Variants in RGS3 observed in about 807,000 individuals in gnomAD.
RGS3 encodes the protein regulator of G-protein signalling 3.
A neutral mutation model predicts 132.6 loss-of-function variants in RGS3; 80 were observed. The ratio of observed to expected loss-of-function variants is 0.60; its 90% confidence interval spans 0.50 to 0.73. The LOEUF (loss-of-function observed/expected upper bound fraction) is 0.73, where lower values mean the gene tolerates loss of function less well. Among genes scored for constraint, RGS3 ranks in the 30% least tolerant of loss-of-function variants. The pLI is 0.00. For synonymous variants in RGS3, 598 were observed against 620.6 expected (o/e 0.96, Z 0.54); for missense variants, 1,382 against 1,530.8 (o/e 0.90, Z 1.62).
In RGS3 at chr9:113,517,515, G is replaced by T. The variant is rs200764534; in HGVS notation, c.1675-26G>T. The T allele has an allele frequency of 2.1e-4, 339 of 1,601,950 alleles. No homozygotes were observed. The East Asian group carries it at 6.1e-3, about 29-fold the overall frequency. Reference sequence around the variant, plus strand: ...TCCTCACCCAGCCTCTTTTTGAACTGCCCACTCAGCCTGCTTTATTTCCAG... The same window carrying T: ...TCCTCACCCAGCCTCTTTTTGAACTTCCCACTCAGCCTGCTTTATTTCCAG... On this transcript the variant is annotated intron_variant, in intron 15 of 24. Coordinates refer to ENST00000350696, the Ensembl canonical transcript of RGS3.
rs544585955 is a variant in RGS3, at chr9:113,462,970, G to A, written c.415+769G>A. On this transcript the variant is annotated intron_variant, in intron 3 of 24. Coordinates refer to ENST00000350696, the Ensembl canonical transcript of RGS3. ...TGAAACTGCTACGAGGAGGTGTCCT[G>A]TAAATGTTTGCTGACAAAGCAGCAA... 1.3e-3 allele frequency among the ~76,000 whole-genome samples: 197 copies of A among 152,354 alleles called. 1 individual carries two copies. Among genetic ancestry groups the A allele is most frequent in the African/African-American group, 4.4e-3 (185 of 41,586 alleles).
chr9:113,553,055 C>G (rs1023806294), intron 19 of RGS3, among the ~76,000 whole-genome samples: 3 of 152,068 alleles, frequency 2.0e-5, no homozygotes, highest in Non-Finnish European at 4.4e-5. Flanking sequence ...GATGTGGTTC[C>G]TCCAAATTTT....
Position 113,565,039 on chromosome 9 carries a change from G to A in RGS3, c.2038-18411G>A. On this transcript the variant is annotated intron_variant, in intron 19 of 24. Coordinates refer to ENST00000350696, the Ensembl canonical transcript of RGS3. The surrounding 1 kb of genome is among the most constrained non-coding windows in gnomAD (Gnocchi z 5.7). ...GAGCCCTCAGGATGTGTGTGGGGTG[G>A]AGCCTGCTAGGGATCCCAGTGCCAG... 1 of 1,122,596 alleles carries A rather than the reference G, an allele frequency of 8.9e-7. No homozygotes were observed. The allele number at this position is 1,122,596 out of a possible 1,614,324, so 69.5% of individuals were successfully genotyped here. A position where few individuals can be genotyped will look rare whatever the true frequency, so the allele number is the denominator to read the frequency against.
In RGS3 at chr9:113,579,217, G is replaced by A. The variant is rs1246380661; in HGVS notation, c.2038-4233G>A. ...GCTGCTCAGTGAGTAGCTGTGTGAT[G>A]TTGGACAAGTCACTTTCAGCAGCCC... On this transcript the variant is annotated intron_variant, in intron 19 of 24. Transcript: ENST00000350696. The surrounding 1 kb of genome is among the most constrained non-coding windows in gnomAD (Gnocchi z 4.3). Among the ~76,000 whole-genome samples, 1 of 152,192 alleles carries A rather than the reference G, an allele frequency of 6.6e-6. No homozygotes were observed. Among genetic ancestry groups the A allele is most frequent in the Non-Finnish European group, 1.5e-5 (1 of 68,038 alleles).
chr9:113,463,942 C>T lies in RGS3; in HGVS notation c.415+1741C>T. ...TCACCCTGCTCCCAGCGCCCAGAAA[C>T]GCAGCCCCTCGTGGTGACAGGGGAG... On this transcript the variant is annotated intron_variant, in intron 3 of 24. Coordinates refer to ENST00000350696, the Ensembl canonical transcript of RGS3. This position sits in a 1 kb window ranked among gnomAD's most constrained non-coding sequence, Gnocchi z 4.6. The T allele has an allele frequency of 6.4e-7, 1 of 1,570,174 alleles. No homozygotes were observed. Among genetic ancestry groups the T allele is most frequent in the Non-Finnish European group, 8.7e-7 (1 of 1,146,090 alleles).
At chr9:113,532,559 TGAA>T (rs1397089236) in intron 18 of RGS3, among the ~76,000 whole-genome samples, 1 of 152,050 alleles carries the variant, frequency 6.6e-6, no homozygotes, top group African/African-American at 2.4e-5. Flanking sequence ...CCATCTCAGG[TGAA>T]GAAATAATGG....
rs1554751010 is a variant in RGS3 at position 113,447,329 on chromosome 9, G to GTATGTATATATA, written c.-13+2405_-13+2406insGTATATATATAT. 2.9e-4 allele frequency among the ~76,000 whole-genome samples: 8 copies of GTATGTATATATA among 27,536 alleles called. 1 individual carries two copies. The highest frequency in any genetic ancestry group is 5.6e-4 in the Admixed American group (1 of 1,784). 18.1% of individuals were successfully genotyped at this position (27,536 alleles called of 152,430 possible). A position where few individuals can be genotyped will look rare whatever the true frequency, so the allele number is the denominator to read the frequency against. ...CCAATAAATTCTGATGTATGTATAT[G>GTATGTATATATA]TATATATATATATATATATATATAT... On this transcript the variant is annotated intron_variant, in intron 1 of 25. Transcript: ENST00000374140.
At chr9:113,498,540 G>A (rs1045819140) in intron 10 of RGS3, among the ~76,000 whole-genome samples, 1 of 152,204 alleles carries the variant, frequency 6.6e-6, no homozygotes, top group African/African-American at 2.4e-5. Flanking sequence ...CATATAAGGA[G>A]TTGGGAGAAT....
At chr9:113,571,199 T>C (rs1228563556) in intron 19 of RGS3, among the ~76,000 whole-genome samples, 4 of 152,266 alleles carry the variant, frequency 2.6e-5, no homozygotes, top group Non-Finnish European at 5.9e-5. Context: ...TAATGAATGG[T>C]GCTGCTATGA....
intron 3 of RGS3, among the ~76,000 whole-genome samples, chr9:113,465,476 T>TGTGTGC (rs1554754577): frequency 0.013 from 2,022 of 151,520 alleles, 23 homozygotes; most frequent in South Asian, 0.055. Context: ...TGTGTGTGTG[T>TGTGTGC]GTGTGCCTGT....
intron 17 of RGS3, among the ~76,000 whole-genome samples, chr9:113,525,269 A>G: frequency 6.6e-6 from 1 of 152,180 alleles, no homozygotes; most frequent in Non-Finnish European, 1.5e-5. Context: ...TCCAACGCTT[A>G]GATTTCTTTC....
intron 7 of RGS3, among the ~76,000 whole-genome samples, chr9:113,489,588 A>G (rs962215467): frequency 3.9e-5 from 6 of 152,104 alleles, no homozygotes; most frequent in Non-Finnish European, 7.4e-5. Flanking sequence ...CAGTGGTGTG[A>G]TTAGAGCTTA....
At chr9:113,546,599 G>A (rs1470652486) in intron 19 of RGS3, among the ~76,000 whole-genome samples, 3 of 152,188 alleles carry the variant, frequency 2.0e-5, no homozygotes, top group African/African-American at 7.2e-5. Flanking sequence ...GTCAGAGCCA[G>A]GACTAGAGCT....
At chr9:113,567,679 CAG>C (rs1176082761) in intron 19 of RGS3, among the ~76,000 whole-genome samples, 2 of 152,220 alleles carry the variant, frequency 1.3e-5, no homozygotes, top group Non-Finnish European at 2.9e-5. Context: ...AGAATCCACT[CAG>C]GGGTCATGCT....
At position 113,507,545 on chromosome 9, in the gene RGS3, CG is replaced by C; in HGVS notation, c.1349del (p.Gly450AlafsTer25). 1.3e-6 allele frequency: 2 copies of C among 1,593,036 alleles called. No homozygotes were observed. Among genetic ancestry groups the C allele is most frequent in the Non-Finnish European group, 8.6e-7 (1 of 1,168,906 alleles). On this transcript the variant is annotated frameshift_variant, in exon 13 of 25. Coordinates refer to ENST00000350696, the Ensembl canonical transcript of RGS3. LOFTEE classifies it high-confidence loss of function. The surrounding 1 kb of genome is among the most constrained non-coding windows in gnomAD (Gnocchi z 5.0). ...AGCGCTACACCGAGGTGGCCAAGCG[CG>C]GGGGCCAGCACACCCTGCCTGCACT...
chr9:113,484,287 G>T, intron 6 of RGS3, 55 bp downstream of exon 4: 1 of 698,494 alleles, frequency 1.4e-6, no homozygotes. Flanking sequence ...GTGTTTATCT[G>T]GAAACAGCTC....
intron 19 of RGS3, among the ~76,000 whole-genome samples, chr9:113,562,589 T>C (rs908155549): frequency 1.3e-5 from 2 of 152,014 alleles, no homozygotes; most frequent in Non-Finnish European, 2.9e-5. Flanking sequence ...ATGTGTCAGA[T>C]AAGTGTTTGT....
intron 19 of RGS3, among the ~76,000 whole-genome samples, chr9:113,573,757 C>T (rs1423671014): frequency 6.6e-6 from 1 of 152,180 alleles, no homozygotes; most frequent in Admixed American, 6.5e-5. Context: ...GCCCCTCAGT[C>T]TCCAACCATG....
chr9:113,490,950 T>C (rs1177166919), intron 7 of RGS3, among the ~76,000 whole-genome samples: 1 of 131,726 alleles, frequency 7.6e-6, no homozygotes, highest in Non-Finnish European at 1.5e-5. Context: ...TATAATTATA[T>C]ATCGGTATAT....
Sources: allele counts gnomAD v4.1 joint callset (sites outside exome capture counted in the v4.1 genomes callset), GRCh38; gene constraint gnomAD v4.1.1; non-coding constraint Gnocchi (gnomAD v3.1); transcripts MANE v1.5; gene names NCBI Gene and HGNC (gene_info 2026-07-23, HGNC 2026-07-21).